The following USP54 variants were observed in gnomAD, a reference collection of about 807,000 sequenced individuals.
USP54 encodes ubiquitin specific peptidase 54.
A neutral mutation model predicts 170.5 loss-of-function variants in USP54; 87 were observed. The ratio of observed to expected loss-of-function variants is 0.51; its 90% CI spans 0.43 to 0.61. The LOEUF (loss-of-function observed/expected upper bound fraction) is 0.61, where lower values mean the gene tolerates loss of function less well. Ranked by LOEUF, USP54 falls within the 20% of genes least tolerant of loss-of-function variation. The probability of loss-of-function intolerance (pLI) is 0.00; values close to 1 mark genes in which losing one functional copy is unlikely to be tolerated. For missense variants in USP54, 1,786 were observed against 2,047.8 expected (o/e 0.87, Z 2.47); for synonymous variants, 655 against 742.8 (o/e 0.88, Z 1.92).
At chr10:73,552,781 ACTCTGT>A (rs2069854229) in intron 4 of USP54, among the ~76,000 whole-genome samples, 1 of 152,118 alleles carries the variant, frequency 6.6e-6, no homozygotes. Context: ...ACAGAGTGAG[ACTCTGT>A]CTCAGGAAAA....
At chr10:73,527,113 G>A (rs2063015875) in intron 15 of USP54, among the ~76,000 whole-genome samples, 1 of 152,182 alleles carries the variant, frequency 6.6e-6, no homozygotes, top group Admixed American at 6.5e-5. Context: ...ACAGGATCCT[G>A]TGGACAGGGA....
chr10:73,610,150 C>G (rs1183206569), intron 1 of USP54, among the ~76,000 whole-genome samples: 2 of 152,108 alleles, frequency 1.3e-5, no homozygotes, highest in Non-Finnish European at 2.9e-5. Flanking sequence ...TGCACTCCAG[C>G]CTGGGTGACA....
intron 1 of USP54, among the ~76,000 whole-genome samples, chr10:73,578,357 T>C (rs1325679284): frequency 1.3e-5 from 2 of 152,250 alleles, no homozygotes; most frequent in Admixed American, 1.3e-4. Context: ...AGGGGAATTA[T>C]AGTTTTATCT....
At chr10:73,510,560 T>G in intron 20 of USP54, among the ~76,000 whole-genome samples, 1 of 150,292 alleles carries the variant, frequency 6.7e-6, no homozygotes, top group Non-Finnish European at 1.5e-5. Context: ...TTCTCCTGCC[T>G]CAGCCTCCTG....
intron 1 of USP54, among the ~76,000 whole-genome samples, chr10:73,586,013 G>GA (rs570564249): frequency 1.7e-4 from 26 of 149,798 alleles, no homozygotes; most frequent in Non-Finnish European, 2.5e-4. Context: ...CCAGCTCAAA[G>GA]AAAAAAAAAA....
At position 73,530,454 on chromosome 10, in the gene USP54, C is replaced by T. The variant is rs555783727; in HGVS notation, c.1517G>A (p.Arg506Lys). 14 of 1,614,218 alleles carry T rather than the reference C, an allele frequency of 8.7e-6. No homozygotes were observed. In the South Asian group the frequency reaches 1.3e-4, roughly 15 times the overall value. ...ATTGCTGACTGTCTCTTTAAAATCT[C>T]TCAGCCTGTTGGTGCTGCTGGATGG... Reference protein sequence around the residue: ...SKPSSSTNRLRDFKETVSNMI... With the variant: ...SKPSSSTNRLKDFKETVSNMI... Residue 506 changes from arginine to lysine, a missense_variant, in exon 14 of 24, where the codon AGA becomes AAA. This residue lies in a region of USP54 where 1,418 missense variants were observed against 1,569.0 expected (regional missense o/e 0.90). Transcript: ENST00000687698.
At position 73,516,655 on chromosome 10, in the gene USP54, G is replaced by C; in HGVS notation, c.3771C>G (p.Ser1257=). Residue 1257 remains serine, a synonymous_variant, in exon 20 of 24, where the codon TCC becomes TCG. Coordinates refer to ENST00000687698, the MANE Select transcript of USP54 (RefSeq NM_001391956.1). ...TATTCACCCAGGAATCCAAAGGCAA[G>C]GAAGTCCCCAAGTCAGTACTGCTGC... The part of the protein sequence containing the change: ...DLGSSTDLGT[S]LPLDSWVNIT... The C allele has an allele frequency of 1.9e-6, 3 of 1,614,206 alleles. No individual in the cohort carries two copies. Among genetic ancestry groups the C allele is most frequent in the East Asian group, 4.5e-5 (2 of 44,884 alleles).
At chr10:73,554,466 G>C (rs1163485104) in intron 4 of USP54, among the ~76,000 whole-genome samples, 1 of 152,176 alleles carries the variant, frequency 6.6e-6, no homozygotes, top group Non-Finnish European at 1.5e-5. Context: ...TAGTCCTTGA[G>C]GATCACTGAC....
chr10:73,599,648 C>T (rs2079010084), intron 1 of USP54, among the ~76,000 whole-genome samples: 1 of 152,176 alleles, frequency 6.6e-6, no homozygotes, highest in Admixed American at 6.5e-5. Flanking sequence ...TTCACTCTTA[C>T]CATCTTAGGC....
intron 1 of USP54, among the ~76,000 whole-genome samples, chr10:73,615,937 T>C (rs1021662785): frequency 6.9e-6 from 1 of 145,286 alleles, no homozygotes; most frequent in Non-Finnish European, 1.5e-5. Context: ...CCCAGCACAG[T>C]GGCTCACACC....
At chr10:73,609,565 G>T (rs768393753) in intron 1 of USP54, among the ~76,000 whole-genome samples, 15 of 151,760 alleles carry the variant, frequency 9.9e-5, no homozygotes, top group African/African-American at 2.9e-4. Context: ...TACAAAAATT[G>T]CCGGGCATGG....
intron 1 of USP54, among the ~76,000 whole-genome samples, chr10:73,600,649 C>G (rs778330076): frequency 6.6e-6 from 1 of 152,166 alleles, no homozygotes; most frequent in African/African-American, 2.4e-5. Context: ...CGCAGGGGCT[C>G]GCGCCTATAA....
intron 1 of USP54, among the ~76,000 whole-genome samples, chr10:73,623,278 C>T (rs1203709202): frequency 6.6e-6 from 1 of 151,730 alleles, no homozygotes; most frequent in Admixed American, 6.6e-5. Flanking sequence ...CCTATCTACT[C>T]AGGAGGCTGA....
At chr10:73,554,218 C>T (rs1299514959) in intron 4 of USP54, among the ~76,000 whole-genome samples, 2 of 152,164 alleles carry the variant, frequency 1.3e-5, no homozygotes, top group Admixed American at 6.6e-5. Context: ...AGCTCAAGGT[C>T]TTTGGAAAGT....
chr10:73,520,036 C>A, intron 18 of USP54, 44 bp from the exon 19 acceptor site: 2 of 1,533,344 alleles, frequency 1.3e-6, no homozygotes, highest in Non-Finnish European at 1.8e-6. Context: ...ACACAAAACA[C>A]AAATAAAAAT....
At chr10:73,578,306 T>C (rs1026022509) in intron 1 of USP54, among the ~76,000 whole-genome samples, 5 of 152,334 alleles carry the variant, frequency 3.3e-5, no homozygotes, top group Middle Eastern at 6.8e-3. Flanking sequence ...CATTAAACAA[T>C]GTAATCCTTC....
chr10:73,625,675 C>T (rs2081479317), upstream of USP54: 1 of 153,312 alleles, frequency 6.5e-6, no homozygotes, highest in Non-Finnish European at 1.4e-5. Context: ...ACACACACCC[C>T]TCCACGCTCC....
rs576746752 is a variant in USP54 at position 73,586,843 on chromosome 10, A to G, written c.-582+4435T>C. ...TCTCCAGCGAATAGTTACTCAACTC[A>G]AACAATTTCCTGAGGGCTGGACTTT... On this transcript the variant is annotated intron_variant, in intron 1 of 23. Transcript: ENST00000687698. Among the ~76,000 whole-genome samples the G allele has an allele frequency of 3.9e-5, 6 of 152,356 alleles. No individual in the cohort carries two copies. In the East Asian group the frequency reaches 1.2e-3, roughly 29 times the overall value.
At chr10:73,606,203 A>AAAAAAAAAAAAAAAAAAAG in intron 1 of USP54, among the ~76,000 whole-genome samples, 1 of 145,800 alleles carries the variant, frequency 6.9e-6, no homozygotes, top group South Asian at 2.1e-4. Flanking sequence ...AAAAAAAAAA[A>AAAAAAAAAAAAAAAAAAAG]TGAGAGTGCT....
Sources: gnomAD v4.1 joint callset for allele counts (sites outside exome capture counted in the v4.1 genomes callset) on GRCh38, gnomAD v4.1.1 for gene constraint, gnomAD v4.1.1 regional missense constraint, MANE v1.5 for transcripts, NCBI Gene and HGNC (gene_info 2026-07-23, HGNC 2026-07-21) for gene names.